SACS: variants seen among roughly 807,000 people sequenced by gnomAD.
The protein encoded by SACS is sacsin molecular chaperone.
Under a neutral mutation model 348.0 loss-of-function variants are expected in SACS, and 197 were observed. The observed-to-expected ratio is 0.57, with a 90% CI of 0.50 to 0.64. SACS has a LOEUF of 0.64. Ranked by LOEUF, SACS falls within the 30% of genes least tolerant of loss-of-function variation. SACS has a pLI of 0.00. For synonymous variants in SACS, 1,985 were observed against 1,910.6 expected, an observed-to-expected ratio of 1.04 and a Z score of -1.02; for missense variants, 4,999 against 5,360.8, an observed-to-expected ratio of 0.93 and a Z score of 2.11.
chr13:23,362,581 C>CTTTTTTT (rs34351648), intron 6 of SACS, among the ~76,000 whole-genome samples: 3 of 111,884 alleles, frequency 2.7e-5, no homozygotes, highest in Admixed American at 1.0e-4. Context: ...TAATACATTC[C>CTTTTTTT]TTTTTTTTTT....
Position 23,340,786 on chromosome 13 carries a change from C to A in SACS, c.3090G>T (p.Val1030=). 1 of 1,605,954 alleles carries A rather than the reference C, an allele frequency of 6.2e-7. No homozygotes were observed. The highest frequency in any genetic ancestry group is 8.5e-7 in the Non-Finnish European group (1 of 1,176,336). ...LSSLKNENPN[V]LEWLTPLKFI... ...ATTTTAATGGTGTTAACCACTCAAG[C>A]ACATTTGGATTCTCATTTTTAAGAG... The change falls in exon 10 of 10, where the codon GTG becomes GTT. Residue 1030 remains valine (V), a synonymous_variant. Coordinates refer to ENST00000382292, the MANE Select transcript of SACS (RefSeq NM_014363.6).
chr13:23,406,810 G>T (rs536197109), intron 2 of SACS, among the ~76,000 whole-genome samples: 2 of 152,180 alleles, frequency 1.3e-5, no homozygotes, highest in South Asian at 4.2e-4. Context: ...CAGACATTTT[G>T]TCAATGAAAA....
At chr13:23,408,024 GT>G (rs1312675591) in intron 2 of SACS, among the ~76,000 whole-genome samples, 1 of 152,138 alleles carries the variant, frequency 6.6e-6, no homozygotes, top group Non-Finnish European at 1.5e-5. Context: ...TAGGAGTTGA[GT>G]CCCTATCCCT....
At chr13:23,346,779 C>T (rs1352509500) in intron 9 of SACS, 1 of 973,652 alleles carries the variant, frequency 1.0e-6, no homozygotes, top group Non-Finnish European at 1.2e-6. Context: ...AAACATCAGG[C>T]TTCAAATGAA....
rs1870993183 is a variant in SACS at position 23,365,253 on chromosome 13, C to A, written c.370G>T (p.Ala124Ser). ...LKELIQNAED[A>S]GATEVKFLYD... ...AAAAATTTAACTTCTGTCGCCCCAG[C>A]ATCTTCTGCATTCTGAATTAATTCC... The change falls in exon 6 of 10, where the codon GCT becomes TCT. Residue 124 changes from alanine (A) to serine (S), a missense_variant. By Grantham distance (99) the Ala-to-Ser change is moderately conservative (BLOSUM62 1). Transcript: ENST00000382292. 1.9e-6 allele frequency: 3 copies of A among 1,608,466 alleles called. No homozygotes were observed. Among genetic ancestry groups the A allele is most frequent in the Non-Finnish European group, 2.5e-6 (3 of 1,177,294 alleles).
chr13:23,426,525 A>G (rs112070939), intron 1 of SACS, among the ~76,000 whole-genome samples: 6,133 of 152,064 alleles, frequency 0.04, 205 homozygotes, highest in African/African-American at 0.094. Context: ...CTGTAATCCC[A>G]GCTACTCGGG....
chr13:23,380,717 C>G (rs1315235901), intron 2 of SACS, among the ~76,000 whole-genome samples: 1 of 152,060 alleles, frequency 6.6e-6, no homozygotes, highest in African/African-American at 2.4e-5. Context: ...TGCCCAAGAC[C>G]ACACACAGGG....
intron 1 of SACS, chr13:23,428,903 C>T (rs1299671068): frequency 6.6e-6 from 1 of 152,120 alleles, no homozygotes; most frequent in African/African-American, 2.4e-5. Flanking sequence ...AATAAAACTA[C>T]ACATATTTTG....
intron 2 of SACS, among the ~76,000 whole-genome samples, chr13:23,382,558 T>A (rs928670120): frequency 6.6e-6 from 1 of 152,152 alleles, no homozygotes; most frequent in Admixed American, 6.5e-5. Flanking sequence ...TGTTTCTGAA[T>A]CATCAAAAAT....
At chr13:23,391,408 T>C (rs1182926180) in intron 2 of SACS, among the ~76,000 whole-genome samples, 1 of 152,140 alleles carries the variant, frequency 6.6e-6, no homozygotes. Context: ...GTCACTTTGG[T>C]TGCAGGTGGA....
chr13:23,430,415 T>C (rs1219352066), intron 1 of SACS, among the ~76,000 whole-genome samples: 2 of 152,220 alleles, frequency 1.3e-5, no homozygotes. Flanking sequence ...TATAAACATA[T>C]ACACCTTAAG....
rs1871002658 is a variant in SACS at position 23,365,387 on chromosome 13, C to T, written c.346-110G>A. ...AGTTAATATACTTAAATAAAGGAAA[C>T]CCACTATTTGCAACATTACCTTTAA... On this transcript the variant is annotated intron_variant, in intron 5 of 9. Transcript: ENST00000382292. The T allele has an allele frequency of 6.0e-5, 41 of 679,100 alleles. 1 individual carries two copies. The East Asian group carries it at 1.2e-3, about 20-fold the overall frequency. 42.1% of individuals were successfully genotyped at this position (679,100 alleles called of 1,614,324 possible).
At chr13:23,346,118 AC>A (rs1167698152) in intron 9 of SACS, among the ~76,000 whole-genome samples, 1 of 151,998 alleles carries the variant, frequency 6.6e-6, no homozygotes, top group Non-Finnish European at 1.5e-5. Context: ...CCCAGAATCT[AC>A]TTCCCTCTCT....
chr13:23,334,996 T>C lies in SACS; in HGVS notation c.8880A>G (p.Leu2960=), dbSNP rs1373611853. ...HVVKDTLKKF[L]SFFPVNRLDL... ...CAAGACGGTTAACTGGGAAAAACGA[T>C]AAAAACTTCTTTAAAGTGTCCTTTA... The change falls in exon 10 of 10, where the codon TTA becomes TTG. Residue 2960 remains leucine, a synonymous_variant. Coordinates refer to ENST00000382292, the MANE Select transcript of SACS (RefSeq NM_014363.6). 14 of 1,613,860 alleles carry C rather than the reference T, an allele frequency of 8.7e-6. No individual in the cohort carries two copies. In the South Asian group the frequency reaches 1.2e-4, roughly 14 times the overall value.
At position 23,331,199 on chromosome 13, in the gene SACS, T is replaced by A. The variant is rs376837191; in HGVS notation, c.12677A>T (p.Gln4226Leu). ...ATATTCACTATAACCAATATCTATCTGATATATCTTTCCTAGAAAACTAGA... is the reference window on the plus strand; with the variant it reads ...ATATTCACTATAACCAATATCTATCAGATATATCTTTCCTAGAAAACTAGA... ...DNSSFLGKIY[Q>L]IDIGYSEYKI... Residue 4226 changes from glutamine (Q) to leucine (L), a missense_variant, in exon 10 of 10, where the codon CAG becomes CTG. Around this residue, in one of 6 missense-constraint regions of SACS, gnomAD observed 831 missense variants for 941.8 expected, o/e 0.88. Coordinates refer to ENST00000382292, the MANE Select transcript of SACS (RefSeq NM_014363.6). 1.2e-5 allele frequency: 20 copies of A among 1,613,490 alleles called. No individual in the cohort carries two copies. The African/African-American group carries it at 2.5e-4, about 20-fold the overall frequency.
chr13:23,411,266 G>C lies in SACS; in HGVS notation c.-27C>G, dbSNP rs956412062. On this transcript the variant is annotated 5_prime_UTR_variant, in exon 2 of 10. Transcript: ENST00000382292. ...ATCACTTCTCCTGGGATATTTGTTTGTGAAAACCATGAAAGTACGCTTCTT... is the reference window on the plus strand; with the variant it reads ...ATCACTTCTCCTGGGATATTTGTTTCTGAAAACCATGAAAGTACGCTTCTT... The C allele has an allele frequency of 6.3e-7, 1 of 1,599,338 alleles. No individual in the cohort carries two copies. The highest frequency in any genetic ancestry group is 8.6e-7 in the Non-Finnish European group (1 of 1,166,726).
rs766450082 is a variant in SACS at position 23,353,798 on chromosome 13, A to G, written c.2172T>C (p.Ala724=). 1 of 1,596,702 alleles carries G rather than the reference A, an allele frequency of 6.3e-7. No homozygotes were observed. Among genetic ancestry groups the G allele is most frequent in the South Asian group, 1.1e-5 (1 of 90,482 alleles). The change falls in exon 9 of 10, where the codon GCT becomes GCC. Residue 724 remains alanine, a synonymous_variant. Coordinates refer to ENST00000382292, the MANE Select transcript of SACS (RefSeq NM_014363.6). ...KPHLVAALKE[A]AQTRGRPCTQ... ...AAACTATAATACCTCGGGTTTGGGC[A>G]GCTTCCTTTAAAGCAGCCACAAGGT...
chr13:23,335,370 C>T lies in SACS; in HGVS notation c.8506G>A (p.Val2836Ile). ...TCTTGGTTCTTGTGAGCTGATATGA[C>T]ACTTTTAGATACTTTCTCCATACTT... ...FSSMEKVSKS[V>I]ISAHKNQDIT... Residue 2836 changes from valine to isoleucine, a missense_variant, in exon 10 of 10, where the codon GTC becomes ATC. Around this residue, in one of 6 missense-constraint regions of SACS, gnomAD observed 3,156 missense variants for 3,380.1 expected, o/e 0.93. Transcript: ENST00000382292. The surrounding 1 kb of genome is among the most constrained non-coding windows in gnomAD (Gnocchi z 4.7). 1 of 1,613,888 alleles carries T rather than the reference C, an allele frequency of 6.2e-7. No homozygotes were observed. The highest frequency in any genetic ancestry group is 2.2e-5 in the East Asian group (1 of 44,878).
chr13:23,361,316 A>T (rs187920525), intron 6 of SACS, among the ~76,000 whole-genome samples: 15 of 152,320 alleles, frequency 9.8e-5, no homozygotes, highest in Admixed American at 9.1e-4. Context: ...AATTCTGATC[A>T]TATTCATCCT....
Sources: allele counts gnomAD v4.1 joint callset (sites outside exome capture counted in the v4.1 genomes callset), GRCh38; gene constraint gnomAD v4.1.1; regional missense constraint gnomAD v4.1.1; non-coding constraint Gnocchi (gnomAD v3.1); transcripts MANE v1.5; gene names NCBI Gene and HGNC (gene_info 2026-07-23, HGNC 2026-07-21).